The following NREP variants were observed in gnomAD, a reference collection of about 807,000 sequenced individuals.
The protein encoded by NREP is neuronal regeneration related protein, also known as neuronal regeneration-related protein.
NREP carries 5 observed loss-of-function variants against 8.6 expected under a neutral mutation model. The observed-to-expected ratio is 0.58, with a 90% confidence interval of 0.30 to 1.22. The LOEUF is 1.22. Among genes scored for constraint, NREP ranks in the 50% most tolerant of loss-of-function variants. The pLI, the probability that NREP is intolerant of heterozygous loss-of-function variation, is 0.07. For synonymous variants in NREP, 27 were observed against 28.0 expected, an observed-to-expected ratio of 0.96 and a Z score of 0.11; for missense variants, 86 against 82.5, an observed-to-expected ratio of 1.04 and a Z score of -0.17.
At chr5:111,935,093 T>C (rs1755646441) in intron 2 of NREP, among the ~76,000 whole-genome samples, 1 of 152,136 alleles carries the variant, frequency 6.6e-6, no homozygotes, top group African/African-American at 2.4e-5. Flanking sequence ...GAAATGTAGA[T>C]ATACAGTACT....
intron 2 of NREP, among the ~76,000 whole-genome samples, chr5:111,942,577 G>A (rs1755858383): frequency 6.6e-6 from 1 of 151,712 alleles, no homozygotes; most frequent in African/African-American, 2.4e-5. Flanking sequence ...CAAAATAATT[G>A]CAAAGAAATC....
chr5:111,879,134 C>T (rs1348017638), intron 2 of NREP, among the ~76,000 whole-genome samples: 1 of 152,176 alleles, frequency 6.6e-6, no homozygotes, highest in African/African-American at 2.4e-5. Flanking sequence ...TGCCCCTGCT[C>T]CCACCCCACC....
intron 2 of NREP, among the ~76,000 whole-genome samples, chr5:111,793,049 C>A (rs774040571): frequency 6.6e-6 from 1 of 152,108 alleles, no homozygotes; most frequent in Non-Finnish European, 1.5e-5. Flanking sequence ...AAATTATAAC[C>A]AGGCATGACA....
upstream of NREP, chr5:111,757,595 C>T: frequency 1.0e-6 from 1 of 983,830 alleles, no homozygotes; most frequent in South Asian, 4.7e-5. Flanking sequence ...GCCCCGTCGG[C>T]GAGCGGCCAA....
chr5:111,965,205 C>A (rs1022393232), intron 2 of NREP, among the ~76,000 whole-genome samples: 1 of 152,004 alleles, frequency 6.6e-6, no homozygotes, highest in Admixed American at 6.6e-5. Flanking sequence ...TATAAGAAAA[C>A]CTTTCCCTGA....
chr5:111,930,610 T>C (rs896036237), intron 2 of NREP, among the ~76,000 whole-genome samples: 1 of 152,150 alleles, frequency 6.6e-6, no homozygotes, highest in Admixed American at 6.5e-5. Context: ...ACTTTGTGAC[T>C]AGAAGGAGGT....
intron 2 of NREP, among the ~76,000 whole-genome samples, chr5:111,921,468 G>A (rs1419016521): frequency 6.6e-6 from 1 of 152,116 alleles, no homozygotes; most frequent in East Asian, 1.9e-4. Flanking sequence ...AGTTGACATA[G>A]AAACAGCATT....
intron 2 of NREP, among the ~76,000 whole-genome samples, chr5:111,832,788 C>T (rs1482751818): frequency 2.6e-5 from 4 of 152,224 alleles, no homozygotes; most frequent in Non-Finnish European, 5.9e-5. Context: ...CTTTACCACT[C>T]CCATTCCCAT....
At chr5:111,773,987 C>A (rs761766594) in intron 2 of NREP, among the ~76,000 whole-genome samples, 11 of 152,234 alleles carry the variant, frequency 7.2e-5, no homozygotes, top group African/African-American at 2.4e-4. Flanking sequence ...AAAGCATGCT[C>A]GTCCCTAGAG....
intron 2 of NREP, among the ~76,000 whole-genome samples, chr5:111,817,130 T>C (rs1228319315): frequency 6.6e-6 from 1 of 152,204 alleles, no homozygotes; most frequent in Admixed American, 6.5e-5. Flanking sequence ...TATATTGACC[T>C]AGAATCTAGC....
intron 2 of NREP, among the ~76,000 whole-genome samples, chr5:111,779,263 A>C (rs979463674): frequency 1.8e-4 from 27 of 152,138 alleles, no homozygotes; most frequent in Middle Eastern, 3.4e-3. Context: ...CAGACCTCCT[A>C]AGGGGTTGGA....
chr5:111,733,971 A>T (rs551432567), intron 3 of NREP: 1 of 152,342 alleles, frequency 6.6e-6, no homozygotes, highest in South Asian at 2.1e-4. Flanking sequence ...AGAACAAATA[A>T]CACTATGCTT....
chr5:111,961,804 A>G (rs1360804857), intron 2 of NREP, among the ~76,000 whole-genome samples: 1 of 152,208 alleles, frequency 6.6e-6, no homozygotes, highest in Non-Finnish European at 1.5e-5. Context: ...AACAACATAA[A>G]CACATGAAGT....
chr5:111,933,812 A>G (rs1238576804), intron 2 of NREP, among the ~76,000 whole-genome samples: 2 of 152,124 alleles, frequency 1.3e-5, no homozygotes, highest in Non-Finnish European at 1.5e-5. Context: ...CTGCATTTAT[A>G]AAGAGAACCC....
chr5:111,813,798 T>G (rs959325462), intron 2 of NREP, among the ~76,000 whole-genome samples: 1 of 152,056 alleles, frequency 6.6e-6, no homozygotes, highest in African/African-American at 2.4e-5. Flanking sequence ...CCCAGCTGAT[T>G]TATTTCACCA....
chr5:111,805,710 T>C (rs1752123930), intron 2 of NREP, among the ~76,000 whole-genome samples: 1 of 152,190 alleles, frequency 6.6e-6, no homozygotes, highest in Non-Finnish European at 1.5e-5. Context: ...CAGGACTGAC[T>C]GAATGAATAA....
intron 2 of NREP, among the ~76,000 whole-genome samples, chr5:111,964,855 C>CAAAAAAAAAAAAAAAATAAAAAAAAAA (rs1756589211): frequency 2.2e-5 from 1 of 44,882 alleles, no homozygotes; most frequent in Non-Finnish European, 4.6e-5. Context: ...CTTTCAGCAG[C>CAAAAAAAAAAAAAAAATAAAAAAAAAA]AAAAAAAAAA....
At chr5:111,877,493 T>C (rs898733362) in intron 2 of NREP, among the ~76,000 whole-genome samples, 1 of 152,230 alleles carries the variant, frequency 6.6e-6, no homozygotes, top group Non-Finnish European at 1.5e-5. Context: ...AAACAAACTT[T>C]AAGCAACTGA....
chr5:111,975,072 G>C (rs748925788), intron 2 of NREP, among the ~76,000 whole-genome samples: 2 of 152,220 alleles, frequency 1.3e-5, no homozygotes, highest in Admixed American at 1.3e-4. Context: ...AGTGATGGCA[G>C]TTACAATGCA....
Sources: allele counts gnomAD v4.1 joint callset (sites outside exome capture counted in the v4.1 genomes callset), GRCh38; gene constraint gnomAD v4.1.1; transcripts MANE v1.5; gene names NCBI Gene and HGNC (gene_info 2026-07-23, HGNC 2026-07-21).